The following PDE8B variants were observed in gnomAD, a reference collection of about 807,000 sequenced individuals.
The protein encoded by PDE8B is high affinity cAMP-specific and IBMX-insensitive 3',5'-cyclic phosphodiesterase 8B.
Under a neutral mutation model 101.3 loss-of-function variants are expected in PDE8B, and 26 were observed. The ratio of observed to expected loss-of-function variants is 0.26; its 90% confidence interval spans 0.19 to 0.36. The LOEUF is 0.36. Ranked by LOEUF, PDE8B falls within the 10% of genes least tolerant of loss-of-function variation. The pLI is 1.00. For missense variants in PDE8B, 810 were observed against 1,163.1 expected, an observed-to-expected ratio of 0.70 and a Z score of 4.42; for synonymous variants, 424 against 429.3, an observed-to-expected ratio of 0.99 and a Z score of 0.15.
intron 8 of PDE8B, among the ~76,000 whole-genome samples, chr5:77,350,832 G>A (rs1443620086): frequency 1.3e-5 from 2 of 152,206 alleles, no homozygotes; most frequent in African/African-American, 4.8e-5. Flanking sequence ...CCACCCACAG[G>A]TCAAGTGTCC....
At chr5:77,347,410 T>A (rs1234890207) in intron 7 of PDE8B, among the ~76,000 whole-genome samples, 1 of 152,214 alleles carries the variant, frequency 6.6e-6, no homozygotes, top group Non-Finnish European at 1.5e-5. Context: ...TCAGGAACCC[T>A]GGTGTGAAAG....
chr5:77,301,401 G>A (rs1368599361), intron 1 of PDE8B, among the ~76,000 whole-genome samples: 1 of 152,112 alleles, frequency 6.6e-6, no homozygotes, highest in African/African-American at 2.4e-5. Flanking sequence ...AAAATTTACT[G>A]ATTTGAATAT....
chr5:77,198,628 T>C, the PDE8B span, among the ~76,000 whole-genome samples: 1 of 152,220 alleles, frequency 6.6e-6, no homozygotes, highest in South Asian at 2.1e-4. Flanking sequence ...CCTTCTCTTA[T>C]GAATTATAGT....
intron 2 of PDE8B, among the ~76,000 whole-genome samples, chr5:77,320,794 A>T (rs1389497771): frequency 6.6e-6 from 1 of 152,224 alleles, no homozygotes; most frequent in Non-Finnish European, 1.5e-5. Context: ...TATTTTGCAG[A>T]ATCATTTATA....
the PDE8B span, among the ~76,000 whole-genome samples, chr5:77,110,067 A>G: frequency 3.3e-5 from 5 of 150,136 alleles, no homozygotes; most frequent in Admixed American, 6.7e-5. Context: ...CCTCCCAAAT[A>G]GCTGGGATTA....
the PDE8B span, among the ~76,000 whole-genome samples, chr5:77,100,969 T>C: frequency 1.1e-5 from 1 of 91,226 alleles, no homozygotes; most frequent in African/African-American, 3.0e-5. Flanking sequence ...TTTTTCCTTT[T>C]TTTTTTTTTT....
At chr5:77,366,875 C>T (rs1043557715) in intron 10 of PDE8B, among the ~76,000 whole-genome samples, 6 of 151,812 alleles carry the variant, frequency 4.0e-5, no homozygotes, top group Non-Finnish European at 8.8e-5. Context: ...GGATGGCAGC[C>T]CCCCGGTGGC....
intron 2 of PDE8B, among the ~76,000 whole-genome samples, chr5:77,315,901 T>G (rs1172071260): frequency 6.6e-6 from 1 of 152,174 alleles, no homozygotes; most frequent in African/African-American, 2.4e-5. Flanking sequence ...TCTTTTTCTG[T>G]TTTTTTCTTT....
intron 10 of PDE8B, among the ~76,000 whole-genome samples, chr5:77,380,938 C>T (rs916445770): frequency 2.0e-5 from 3 of 152,190 alleles, no homozygotes; most frequent in Non-Finnish European, 4.4e-5. Flanking sequence ...AGACTGTGGA[C>T]TGGGAAGCTT....
At chr5:77,200,309 A>C in the PDE8B span, among the ~76,000 whole-genome samples, 1 of 152,236 alleles carries the variant, frequency 6.6e-6, no homozygotes, top group Admixed American at 6.5e-5. Flanking sequence ...AGAAATGGCA[A>C]CCTTTTGGAT....
intron 1 of PDE8B, among the ~76,000 whole-genome samples, chr5:77,270,068 G>A (rs2149767576): frequency 6.6e-6 from 1 of 152,226 alleles, no homozygotes; most frequent in Non-Finnish European, 1.5e-5. Context: ...TGGGTAGTAT[G>A]GACGTCTTAA....
chr5:77,243,833 G>T (rs571366628), intron 1 of PDE8B, among the ~76,000 whole-genome samples: 1 of 152,318 alleles, frequency 6.6e-6, no homozygotes, highest in East Asian at 1.9e-4. Context: ...TTGTGTGGAT[G>T]TGTGTTTTTG....
the PDE8B span, among the ~76,000 whole-genome samples, chr5:77,202,596 G>T: frequency 2.0e-5 from 3 of 151,204 alleles, no homozygotes; most frequent in African/African-American, 7.3e-5. Context: ...GACTGTTTAT[G>T]TTATCTGTAA....
At chr5:77,177,796 C>G in the PDE8B span, among the ~76,000 whole-genome samples, 1 of 152,138 alleles carries the variant, frequency 6.6e-6, no homozygotes, top group Admixed American at 6.5e-5. Flanking sequence ...GACAAAGGGA[C>G]GATTCACGTT....
chr5:77,150,652 C>T, the PDE8B span, among the ~76,000 whole-genome samples: 2 of 152,186 alleles, frequency 1.3e-5, no homozygotes, highest in Admixed American at 6.5e-5. Context: ...AGAAAACTTA[C>T]AGGAATAATC....
chr5:77,149,493 T>TG, the PDE8B span, among the ~76,000 whole-genome samples: 1 of 152,204 alleles, frequency 6.6e-6, no homozygotes, highest in Non-Finnish European at 1.5e-5. Flanking sequence ...TTCCAATCCA[T>TG]GGACAGGGAA....
intron 10 of PDE8B, among the ~76,000 whole-genome samples, chr5:77,395,959 G>A (rs111848706): frequency 0.034 from 5,123 of 152,310 alleles, 285 homozygotes; most frequent in African/African-American, 0.11. Context: ...CCACCAGGCT[G>A]GCTGTTCCCT....
At chr5:77,105,786 G>A in the PDE8B span, 4 of 152,144 alleles carry the variant, frequency 2.6e-5, no homozygotes, top group Non-Finnish European at 5.9e-5. Context: ...AGAGTTCCAG[G>A]TGCTCCACAT....
chr5:77,181,371 C>T, the PDE8B span, among the ~76,000 whole-genome samples: 687 of 152,242 alleles, frequency 4.5e-3, 4 homozygotes, highest in African/African-American at 0.014. Flanking sequence ...AACTTGGGGG[C>T]GTTCCGCTAG....
Sources: gnomAD v4.1 joint callset for allele counts (sites outside exome capture counted in the v4.1 genomes callset) on GRCh38, gnomAD v4.1.1 for gene constraint, MANE v1.5 for transcripts, NCBI Gene and HGNC (gene_info 2026-07-23, HGNC 2026-07-21) for gene names.